Variants in HSF2 observed in about 807,000 individuals in gnomAD.
HSF2 encodes heat shock transcription factor 2.
HSF2 carries 21 observed loss-of-function variants against 65.0 expected under a neutral mutation model. The observed-to-expected ratio is 0.32, with a 90% CI of 0.23 to 0.47. HSF2 has a LOEUF of 0.47. Ranked by LOEUF, HSF2 falls within the 20% of genes least tolerant of loss-of-function variation. The probability of loss-of-function intolerance (pLI) is 1.00; values close to 1 mark genes in which losing one functional copy is unlikely to be tolerated. For missense variants in HSF2, 499 were observed against 628.1 expected (o/e 0.79, Z 2.20); for synonymous variants, 225 against 219.1 (o/e 1.03, Z -0.24).
intron 1 of HSF2, among the ~76,000 whole-genome samples, chr6:122,402,473 A>C (rs1029785070): frequency 1.8e-4 from 28 of 152,130 alleles, no homozygotes; most frequent in African/African-American, 6.8e-4. Context: ...TAGAAAATGT[A>C]ATGAGAGTGG....
At chr6:122,399,590 G>C (rs1773661410), upstream of HSF2, 4 of 635,772 alleles carry the variant, frequency 6.3e-6, no homozygotes, top group South Asian at 5.8e-5. Context: ...TCTCGGCCTT[G>C]CCGCGCGCCT....
intron 10 of HSF2, among the ~76,000 whole-genome samples, chr6:122,426,187 T>C (rs1774335749): frequency 6.6e-6 from 1 of 152,072 alleles, no homozygotes; most frequent in Non-Finnish European, 1.5e-5. Context: ...AGTCCACCTA[T>C]GCTGCTTTGT....
chr6:122,418,944 C>T (rs1368802399), intron 5 of HSF2, among the ~76,000 whole-genome samples: 2 of 152,074 alleles, frequency 1.3e-5, no homozygotes, highest in African/African-American at 4.8e-5. Context: ...GATCTATAGC[C>T]AGGCAAGTTT....
chr6:122,408,735 C>G (rs1302024662), intron 1 of HSF2, among the ~76,000 whole-genome samples: 1 of 151,978 alleles, frequency 6.6e-6, no homozygotes, highest in Non-Finnish European at 1.5e-5. Flanking sequence ...TTGGCAGTAA[C>G]TAAGAGTGAG....
rs74925054 is a variant in HSF2, at chr6:122,408,716, G to A, written c.94-3657G>A. Among the ~76,000 whole-genome samples, 183 of 152,020 alleles carry A rather than the reference G, an allele frequency of 1.2e-3. 1 individual carries two copies. The highest frequency in any genetic ancestry group is 4.2e-3 in the African/African-American group (176 of 41,482). ...TTCCTTTCAGACCTTTATGCCTTCC[G>A]TTTTTCTTTTGGCAGTAACTAAGAG... On this transcript the variant is annotated intron_variant, in intron 1 of 12. Coordinates refer to ENST00000368455, the MANE Select transcript of HSF2 (RefSeq NM_004506.4).
rs575107730 is a variant in HSF2, at chr6:122,407,420, CT to C, written c.94-4952del. Among the ~76,000 whole-genome samples, 235 of 152,262 alleles carry C rather than the reference CT, an allele frequency of 1.5e-3. 2 individuals carry two copies. The highest frequency in any genetic ancestry group is 5.4e-3 in the African/African-American group (226 of 41,572). On this transcript the variant is annotated intron_variant, in intron 1 of 12. Transcript: ENST00000368455. The stretch of plus-strand genomic sequence containing the variant: ...TTTCTGTTAATCTGCCTCTTCAAAA[CT>C]GTGTATTAGTTATCGTTCTTACTTT...
At chr6:122,430,290 G>A (rs368695635) in intron 11 of HSF2, among the ~76,000 whole-genome samples, 3 of 152,210 alleles carry the variant, frequency 2.0e-5, no homozygotes, top group South Asian at 2.1e-4. Context: ...TAGTTTATTC[G>A]TGTAGAGGTG....
intron 4 of HSF2, 128 bp from the exon 5 acceptor site, chr6:122,416,093 G>C: frequency 5.2e-6 from 3 of 574,590 alleles, no homozygotes; most frequent in Non-Finnish European, 9.2e-6. Context: ...AAGTTTTCTT[G>C]GTCTCATAAA....
intron 4 of HSF2, among the ~76,000 whole-genome samples, chr6:122,415,906 A>G (rs1774115451): frequency 6.6e-6 from 1 of 152,180 alleles, no homozygotes; most frequent in Admixed American, 6.5e-5. Flanking sequence ...AATCCCAGCT[A>G]CTTAGGAAGC....
At chr6:122,409,345 A>G (rs1449794912) in intron 1 of HSF2, among the ~76,000 whole-genome samples, 1 of 152,014 alleles carries the variant, frequency 6.6e-6, no homozygotes, top group East Asian at 1.9e-4. Context: ...ATTGAATTTG[A>G]TATTTGACAT....
intron 1 of HSF2, among the ~76,000 whole-genome samples, chr6:122,403,634 A>G (rs1050326860): frequency 7.2e-5 from 11 of 152,198 alleles, no homozygotes; most frequent in African/African-American, 2.7e-4. Flanking sequence ...AAACAGAAAG[A>G]AAAGAAAGTA....
chr6:122,418,813 A>G (rs1013200293), intron 5 of HSF2, among the ~76,000 whole-genome samples: 2 of 152,126 alleles, frequency 1.3e-5, no homozygotes, highest in African/African-American at 2.4e-5. Context: ...ATTATTCTGA[A>G]GGAACTGACG....
At position 122,403,620 on chromosome 6, in the gene HSF2, C is replaced by CA. The variant is rs1773793013; in HGVS notation, c.93+3796dup. ...AAATCCTGTCTCAAAACAACAACAA[C>CA]AAAAAACAGAAAGAAAAGAAAGTAT... On this transcript the variant is annotated intron_variant, in intron 1 of 12. Transcript: ENST00000368455. 4.6e-5 allele frequency among the ~76,000 whole-genome samples: 7 copies of CA among 152,188 alleles called. No homozygotes were observed. The South Asian group carries it at 1.2e-3, about 27-fold the overall frequency.
At chr6:122,412,996 G>A (rs1774036487) in intron 3 of HSF2, among the ~76,000 whole-genome samples, 1 of 150,974 alleles carries the variant, frequency 6.6e-6, no homozygotes, top group Non-Finnish European at 1.5e-5. Context: ...TTTTTCTATA[G>A]TTTGTAATTG....
chr6:122,419,192 G>A lies in HSF2; in HGVS notation c.556G>A (p.Val186Ile). 1 of 1,490,574 alleles carries A rather than the reference G, an allele frequency of 6.7e-7. No homozygotes were observed. The highest frequency in any genetic ancestry group is 1.2e-5 in the South Asian group (1 of 86,298). 92.3% of individuals were successfully genotyped at this position (1,490,574 alleles called of 1,614,324 possible). ...RKIVQFIVTL[V>I]QNNQLVSLKR... ...GATTGTCCAGTTTATTGTTACATTGGTTCAAAATAACCAACTTGTGAGTTT... is the reference window on the plus strand; with the variant it reads ...GATTGTCCAGTTTATTGTTACATTGATTCAAAATAACCAACTTGTGAGTTT... The change falls in exon 6 of 13, where the codon GTT becomes ATT. Residue 186 changes from valine (V) to isoleucine (I), a missense_variant. Around this residue, in one of 2 missense-constraint regions of HSF2, gnomAD observed 150 missense variants for 234.6 expected, o/e 0.64. Transcript: ENST00000368455.
intron 1 of HSF2, among the ~76,000 whole-genome samples, chr6:122,410,840 C>T (rs1403924664): frequency 2.6e-5 from 4 of 151,626 alleles, no homozygotes; most frequent in African/African-American, 7.3e-5. Context: ...GTTACTTCTA[C>T]CTTTTGCCTG....
intron 11 of HSF2, among the ~76,000 whole-genome samples, chr6:122,431,187 A>G (rs983920959): frequency 2.0e-5 from 3 of 152,030 alleles, no homozygotes; most frequent in African/African-American, 7.2e-5. Flanking sequence ...CCTTCATTTC[A>G]TACTTAATAT....
chr6:122,418,617 C>CT (rs928367143), intron 5 of HSF2, among the ~76,000 whole-genome samples: 1 of 151,776 alleles, frequency 6.6e-6, no homozygotes, highest in Non-Finnish European at 1.5e-5. Context: ...TTATCTTTTT[C>CT]TTTTTTTTCT....
chr6:122,407,020 G>A (rs1194965597), intron 1 of HSF2, among the ~76,000 whole-genome samples: 2 of 152,148 alleles, frequency 1.3e-5, no homozygotes, highest in African/African-American at 4.8e-5. Flanking sequence ...GTAAAGCCAG[G>A]AGACTTAATG....
Sources: gnomAD v4.1 joint callset for allele counts (sites outside exome capture counted in the v4.1 genomes callset) on GRCh38, gnomAD v4.1.1 for gene constraint, gnomAD v4.1.1 regional missense constraint, MANE v1.5 for transcripts, NCBI Gene and HGNC (gene_info 2026-07-23, HGNC 2026-07-21) for gene names.